The following LTBP1 variants were observed in gnomAD, a reference collection of about 807,000 sequenced individuals.
The protein encoded by LTBP1 is latent transforming growth factor beta binding protein 1.
A neutral mutation model predicts 207.6 loss-of-function variants in LTBP1; 129 were observed. That is an observed-to-expected ratio of 0.62 (90% confidence interval 0.54 to 0.72). LTBP1 has a LOEUF of 0.72. Ranked by LOEUF, LTBP1 falls within the 30% of genes least tolerant of loss-of-function variation. The probability of loss-of-function intolerance (pLI) is 0.00; values close to 1 mark genes in which losing one functional copy is unlikely to be tolerated. For missense variants in LTBP1, 2,281 were observed against 2,217.2 expected, an observed-to-expected ratio of 1.03 and a Z score of -0.58; for synonymous variants, 963 against 833.7, an observed-to-expected ratio of 1.16 and a Z score of -2.67.
intron 7 of LTBP1, among the ~76,000 whole-genome samples, chr2:33,197,501 C>T (rs747644104): frequency 6.6e-6 from 1 of 152,130 alleles, no homozygotes; most frequent in Non-Finnish European, 1.5e-5. Context: ...AGAAAATACC[C>T]CTCCAATTTA....
intron 31 of LTBP1, among the ~76,000 whole-genome samples, chr2:33,386,651 C>T (rs1056704259): frequency 5.9e-5 from 9 of 152,070 alleles, no homozygotes; most frequent in Admixed American, 2.6e-4. Context: ...TTGTGAGACC[C>T]TGTCTCTACA....
At chr2:33,311,384 AT>A (rs966779643) in intron 23 of LTBP1, among the ~76,000 whole-genome samples, 1 of 152,114 alleles carries the variant, frequency 6.6e-6, no homozygotes, top group African/African-American at 2.4e-5. Context: ...GTGAAATTCA[AT>A]TTTTTCCAAT....
At chr2:33,349,887 A>C (rs2094757081) in intron 26 of LTBP1, among the ~76,000 whole-genome samples, 1 of 152,210 alleles carries the variant, frequency 6.6e-6, no homozygotes, top group Admixed American at 6.5e-5. Context: ...TGTGTACTGC[A>C]CAGCCTGTAG....
At chr2:33,375,393 A>G (rs1014317448) in intron 31 of LTBP1, among the ~76,000 whole-genome samples, 3 of 152,192 alleles carry the variant, frequency 2.0e-5, no homozygotes, top group Non-Finnish European at 4.4e-5. Flanking sequence ...TGTTCAGGGA[A>G]TTGCACAGAC....
rs978763371 is a variant in LTBP1, at chr2:33,295,137, A to G, written c.3235+1855A>G. ...TAATTTTTAAACATTTATTTTATATACTTAACATTTATATTTGTTTTTAAA... is the reference window on the plus strand; with the variant it reads ...TAATTTTTAAACATTTATTTTATATGCTTAACATTTATATTTGTTTTTAAA... On this transcript the variant is annotated intron_variant, in intron 20 of 33. Coordinates refer to ENST00000404816, the MANE Select transcript of LTBP1 (RefSeq NM_206943.4). Among the ~76,000 whole-genome samples the G allele has an allele frequency of 7.9e-5, 12 of 152,216 alleles. 1 individual carries two copies. The highest frequency in any genetic ancestry group is 2.6e-4 in the African/African-American group (11 of 41,544).
intron 3 of LTBP1, among the ~76,000 whole-genome samples, chr2:33,063,720 T>C (rs1007146231): frequency 6.6e-6 from 1 of 152,182 alleles, no homozygotes; most frequent in Non-Finnish European, 1.5e-5. Flanking sequence ...TTTGGGACAA[T>C]TGATGCCTTA....
chr2:33,140,979 T>C (rs2082605253), intron 5 of LTBP1, among the ~76,000 whole-genome samples: 1 of 152,246 alleles, frequency 6.6e-6, no homozygotes, highest in Admixed American at 6.5e-5. Context: ...CTTTTTATTT[T>C]ATTTAAGCTG....
intron 2 of LTBP1, among the ~76,000 whole-genome samples, chr2:32,988,650 G>A (rs1361259836): frequency 6.6e-6 from 1 of 152,154 alleles, no homozygotes; most frequent in African/African-American, 2.4e-5. Flanking sequence ...TAACAAGCAC[G>A]AGACTTATTT....
At chr2:33,024,331 G>A (rs1376294219) in intron 3 of LTBP1, among the ~76,000 whole-genome samples, 1 of 152,158 alleles carries the variant, frequency 6.6e-6, no homozygotes, top group African/African-American at 2.4e-5. Flanking sequence ...GAGGGGTGTG[G>A]CAGTTTTAAA....
chr2:33,236,133 T>A (rs548508566), intron 9 of LTBP1, among the ~76,000 whole-genome samples: 2 of 152,250 alleles, frequency 1.3e-5, no homozygotes, highest in Admixed American at 6.5e-5. Flanking sequence ...AGGTAAGAAC[T>A]AAGACTGCGG....
In LTBP1 at chr2:33,398,711, G is replaced by T. The variant is rs958667042; in HGVS notation, c.*166G>T. The T allele has an allele frequency of 1.7e-6, 1 of 582,086 alleles. No individual in the cohort carries two copies. The highest frequency in any genetic ancestry group is 2.9e-6 in the Non-Finnish European group (1 of 349,348). The allele number at this position is 582,086 out of a possible 1,614,324, so 36.1% of individuals were successfully genotyped here. On this transcript the variant is annotated 3_prime_UTR_variant, in exon 34 of 34. Coordinates refer to ENST00000404816, the MANE Select transcript of LTBP1 (RefSeq NM_206943.4). ...CAATGAGAGGATTTAGGATGAGCCC[G>T]ATAGGTGTGGCAGACCAAATGGACA...
chr2:33,206,738 C>CA (rs367575248), intron 7 of LTBP1, among the ~76,000 whole-genome samples: 11,829 of 90,800 alleles, frequency 0.13, 953 homozygotes, highest in African/African-American at 0.28. Flanking sequence ...GACTCCATTT[C>CA]AAAAAAAAAA....
chr2:33,087,621 C>G (rs974345508), intron 3 of LTBP1, among the ~76,000 whole-genome samples: 5 of 152,178 alleles, frequency 3.3e-5, no homozygotes, highest in Non-Finnish European at 4.4e-5. Context: ...CACCCTCTGT[C>G]CTGCCCCCAG....
intron 9 of LTBP1, among the ~76,000 whole-genome samples, chr2:33,228,706 T>C (rs2091603759): frequency 7.7e-6 from 1 of 129,842 alleles, no homozygotes; most frequent in Non-Finnish European, 1.7e-5. Context: ...CCTTTTTTTT[T>C]TTTTTTTTTT....
At chr2:33,316,202 T>G (rs548166090) in intron 24 of LTBP1, among the ~76,000 whole-genome samples, 16 of 34,926 alleles carry the variant, frequency 4.6e-4, no homozygotes, top group Non-Finnish European at 1.7e-3. Flanking sequence ...CTGAACCATT[T>G]TAAAAGTAAA....
intron 9 of LTBP1, among the ~76,000 whole-genome samples, chr2:33,226,284 C>G (rs2091435034): frequency 6.6e-6 from 1 of 152,078 alleles, no homozygotes; most frequent in Admixed American, 6.5e-5. Context: ...AGTCTTGCTT[C>G]TTTTCTACAT....
intron 5 of LTBP1, among the ~76,000 whole-genome samples, chr2:33,173,615 A>C (rs2085701243): frequency 8.4e-6 from 1 of 118,980 alleles, no homozygotes; most frequent in East Asian, 2.3e-4. Flanking sequence ...AAACTATTCC[A>C]ATCAATGGAA....
In LTBP1 at chr2:33,087,084, C is replaced by CTTTTTTTTTTTTTTTTTTTTT. The variant is rs35334788; in HGVS notation, c.864-23494_864-23474dup. ...AGCACCAGGCTGTCCCTCCTTTATG[C>CTTTTTTTTTTTTTTTTTTTTT]TTTTTTTTTTTTTTTTTTTTTTTTG... On this transcript the variant is annotated intron_variant, in intron 3 of 33. Transcript: ENST00000404816. Among the ~76,000 whole-genome samples the CTTTTTTTTTTTTTTTTTTTTT allele has an allele frequency of 3.4e-4, 30 of 88,980 alleles. 3 individuals are homozygous for CTTTTTTTTTTTTTTTTTTTTT. Among genetic ancestry groups the CTTTTTTTTTTTTTTTTTTTTT allele is most frequent in the Non-Finnish European group, 4.5e-4 (22 of 48,362 alleles). The allele number at this position is 88,980 out of a possible 152,430, so 58.4% of individuals were successfully genotyped here.
intron 10 of LTBP1, among the ~76,000 whole-genome samples, chr2:33,244,972 G>T (rs569809708): frequency 6.6e-6 from 1 of 152,028 alleles, no homozygotes; most frequent in Non-Finnish European, 1.5e-5. Flanking sequence ...TCTGCCTCCC[G>T]GGTTCCAATG....
Sources: allele counts gnomAD v4.1 joint callset (sites outside exome capture counted in the v4.1 genomes callset), GRCh38; gene constraint gnomAD v4.1.1; transcripts MANE v1.5; gene names NCBI Gene and HGNC (gene_info 2026-07-23, HGNC 2026-07-21).